The following DIAPH3 variants were observed in gnomAD, a reference collection of about 807,000 sequenced individuals.
DIAPH3 encodes the protein diaphanous related formin 3.
A neutral mutation model predicts 144.3 loss-of-function variants in DIAPH3; 117 were observed. The observed-to-expected ratio is 0.81, with a 90% confidence interval of 0.70 to 0.95. The LOEUF is 0.95. Among genes scored for constraint, DIAPH3 ranks in the 40% least tolerant of loss-of-function variants. DIAPH3 has a pLI of 0.00. For synonymous variants in DIAPH3, 519 were observed against 488.9 expected (o/e 1.06, Z -0.81); for missense variants, 1,421 against 1,412.7 (o/e 1.01, Z -0.09).
At chr13:59,839,271 A>G in intron 23 of DIAPH3, 53 bp downstream of exon 23, 18 of 1,601,390 alleles carry the variant, frequency 1.1e-5, no homozygotes, top group Non-Finnish European at 1.5e-5. Flanking sequence ...TATTAAATAA[A>G]TTGTATCTCT....
chr13:60,006,663 A>G (rs1363282243), intron 9 of DIAPH3, among the ~76,000 whole-genome samples: 1 of 152,134 alleles, frequency 6.6e-6, no homozygotes, highest in Non-Finnish European at 1.5e-5. Flanking sequence ...AGAGCAGGGA[A>G]GGGGGAGCTC....
chr13:59,938,577 C>A (rs763307597), intron 17 of DIAPH3, among the ~76,000 whole-genome samples: 14 of 151,714 alleles, frequency 9.2e-5, no homozygotes, highest in Non-Finnish European at 1.3e-4. Context: ...CCACTGCATT[C>A]TAGCCTGGGC....
intron 25 of DIAPH3, among the ~76,000 whole-genome samples, chr13:59,792,652 T>C (rs2039388619): frequency 6.6e-6 from 1 of 152,168 alleles, no homozygotes; most frequent in Non-Finnish European, 1.5e-5. Context: ...TTCCTCTCTC[T>C]CTTTTCCTGT....
At chr13:60,144,170 G>A (rs557156296) in intron 1 of DIAPH3, among the ~76,000 whole-genome samples, 1 of 152,102 alleles carries the variant, frequency 6.6e-6, no homozygotes, top group Non-Finnish European at 1.5e-5. Flanking sequence ...TTATCAACCT[G>A]ACTACATATG....
At chr13:59,903,611 TAAAAAA>T (rs60950452) in intron 20 of DIAPH3, among the ~76,000 whole-genome samples, 2 of 140,972 alleles carry the variant, frequency 1.4e-5, no homozygotes, top group African/African-American at 5.2e-5. Context: ...TTCTATTCTT[TAAAAAA>T]AAAAAAAAAG....
Position 59,795,455 on chromosome 13 carries a change from C to CT in DIAPH3, c.3163+15332dup, listed in dbSNP as rs1233674128. On this transcript the variant is annotated intron_variant, in intron 25 of 27. Coordinates refer to ENST00000400324, the MANE Select transcript of DIAPH3 (RefSeq NM_001042517.2). ...AATTTAGGTATATCATTCTCTCTCT[C>CT]TTTTTTTTTTTTTTTTTGAGATGGA... Among the ~76,000 whole-genome samples, 1,314 of 136,860 alleles carry CT rather than the reference C, an allele frequency of 9.6e-3. 9 individuals are homozygous for CT. The highest frequency in any genetic ancestry group is 0.012 in the African/African-American group (441 of 37,420). The allele number at this position is 136,860 out of a possible 152,430, so 89.8% of individuals were successfully genotyped here.
At chr13:60,123,517 T>C (rs1468679519) in intron 2 of DIAPH3, among the ~76,000 whole-genome samples, 2 of 152,182 alleles carry the variant, frequency 1.3e-5, no homozygotes, top group Non-Finnish European at 2.9e-5. Context: ...GATTCTAAGA[T>C]AGTACTTAAG....
chr13:60,136,803 G>A (rs1056044723), intron 1 of DIAPH3, among the ~76,000 whole-genome samples: 22 of 152,114 alleles, frequency 1.4e-4, no homozygotes, highest in Non-Finnish European at 1.5e-4. Context: ...AGCCGGGCGT[G>A]GTGGCGGGTG....
chr13:59,917,865 G>C (rs575641343), intron 18 of DIAPH3, among the ~76,000 whole-genome samples: 15 of 136,422 alleles, frequency 1.1e-4, no homozygotes, highest in Admixed American at 1.0e-3. Context: ...ACTCCAGCCT[G>C]GGCGACAGAG....
At chr13:59,951,051 TAATGA>T (rs1407214120) in intron 17 of DIAPH3, among the ~76,000 whole-genome samples, 3 of 152,104 alleles carry the variant, frequency 2.0e-5, no homozygotes, top group African/African-American at 7.2e-5. Flanking sequence ...TATATAATCT[TAATGA>T]AATACATAAG....
At chr13:59,947,745 A>AG (rs58711114) in intron 17 of DIAPH3, among the ~76,000 whole-genome samples, 1 of 151,806 alleles carries the variant, frequency 6.6e-6, no homozygotes, top group Admixed American at 6.6e-5. Context: ...AAAAAAAAAA[A>AG]CAAACAAACC....
chr13:60,089,484 T>C (rs937175992), intron 4 of DIAPH3, among the ~76,000 whole-genome samples: 3 of 152,188 alleles, frequency 2.0e-5, no homozygotes, highest in Non-Finnish European at 4.4e-5. Flanking sequence ...TTTTTATTTT[T>C]AAAAATAATG....
intron 27 of DIAPH3, among the ~76,000 whole-genome samples, chr13:59,674,332 A>G (rs2032531440): frequency 6.6e-6 from 1 of 152,238 alleles, no homozygotes; most frequent in Non-Finnish European, 1.5e-5. Flanking sequence ...CTTGTTTGAC[A>G]TAAAATTGAG....
chr13:60,032,940 A>G (rs2054914671), intron 5 of DIAPH3, among the ~76,000 whole-genome samples: 1 of 152,218 alleles, frequency 6.6e-6, no homozygotes, highest in Non-Finnish European at 1.5e-5. Flanking sequence ...ATAGGCAATT[A>G]CAAGAAACCA....
chr13:59,982,386 C>A (rs886347791), intron 13 of DIAPH3, among the ~76,000 whole-genome samples: 17 of 151,264 alleles, frequency 1.1e-4, no homozygotes, highest in African/African-American at 3.9e-4. Flanking sequence ...ATTTACAGCA[C>A]CATTTTCTTA....
At chr13:59,878,180 G>A (rs1273062641) in intron 21 of DIAPH3, among the ~76,000 whole-genome samples, 1 of 152,152 alleles carries the variant, frequency 6.6e-6, no homozygotes, top group Non-Finnish European at 1.5e-5. Context: ...CACGAGAGAT[G>A]TGCCAAGTCT....
At chr13:59,824,865 T>C (rs1203252919) in intron 24 of DIAPH3, among the ~76,000 whole-genome samples, 1 of 152,030 alleles carries the variant, frequency 6.6e-6, no homozygotes, top group African/African-American at 2.4e-5. Context: ...AAGAAAGAAG[T>C]GTAGTGGCCT....
chr13:60,046,895 G>A (rs1022126403), intron 4 of DIAPH3, among the ~76,000 whole-genome samples: 1 of 151,812 alleles, frequency 6.6e-6, no homozygotes, highest in African/African-American at 2.4e-5. Context: ...AACACCACAT[G>A]TTCTCACTCA....
At chr13:59,903,674 T>TAAC (rs2046575491) in intron 20 of DIAPH3, among the ~76,000 whole-genome samples, 4 of 152,120 alleles carry the variant, frequency 2.6e-5, no homozygotes, top group Admixed American at 2.0e-4. Context: ...ACTTTTGAAT[T>TAAC]AACCCATTTT....
Sources: allele counts gnomAD v4.1 joint callset (sites outside exome capture counted in the v4.1 genomes callset), GRCh38; gene constraint gnomAD v4.1.1; transcripts MANE v1.5; gene names NCBI Gene and HGNC (gene_info 2026-07-23, HGNC 2026-07-21).